EXOC4: variants seen among roughly 807,000 people sequenced by gnomAD.
EXOC4 encodes the protein SEC8-like 1.
EXOC4 carries 71 observed loss-of-function variants against 107.2 expected under a neutral mutation model. That is an observed-to-expected ratio of 0.66 (90% confidence interval 0.55 to 0.81). The LOEUF (loss-of-function observed/expected upper bound fraction) is 0.81. EXOC4 is among the 30% of genes least tolerant of loss of function. The probability of loss-of-function intolerance (pLI) is 0.00; values close to 1 mark genes in which losing one functional copy is unlikely to be tolerated. For synonymous variants in EXOC4, 456 were observed against 441.2 expected, an observed-to-expected ratio of 1.03 and a Z score of -0.42; for missense variants, 1,108 against 1,189.6, an observed-to-expected ratio of 0.93 and a Z score of 1.01.
intron 9 of EXOC4, among the ~76,000 whole-genome samples, chr7:133,544,932 C>T (rs1584989052): frequency 6.6e-6 from 1 of 150,474 alleles, no homozygotes. Context: ...GAGGATAACT[C>T]TTCACTTTTT....
At chr7:133,650,024 C>T (rs946353992) in intron 10 of EXOC4, among the ~76,000 whole-genome samples, 1 of 151,740 alleles carries the variant, frequency 6.6e-6, no homozygotes, top group Non-Finnish European at 1.5e-5. Context: ...GGTTTTTATC[C>T]TTTTATAAAT....
intron 10 of EXOC4, among the ~76,000 whole-genome samples, chr7:133,716,398 A>G (rs979207510): frequency 3.9e-5 from 6 of 152,330 alleles, no homozygotes; most frequent in Non-Finnish European, 7.3e-5. Context: ...ACAGATAAGG[A>G]TTTAGAAAAA....
chr7:133,782,385 TA>T (rs1313499869), intron 10 of EXOC4, among the ~76,000 whole-genome samples: 3 of 152,310 alleles, frequency 2.0e-5, no homozygotes, highest in East Asian at 1.9e-4. Flanking sequence ...CACACAAATG[TA>T]CCCATCCTTG....
intron 9 of EXOC4, chr7:133,480,892 A>C (rs1285410372): frequency 6.6e-6 from 1 of 151,760 alleles, no homozygotes; most frequent in Non-Finnish European, 1.5e-5. Flanking sequence ...TGTCTCTATA[A>C]AAAAATACAA....
intron 10 of EXOC4, among the ~76,000 whole-genome samples, chr7:133,799,557 G>A (rs886268696): frequency 2.0e-5 from 3 of 152,164 alleles, no homozygotes; most frequent in African/African-American, 7.2e-5. Context: ...AAAGGACAAG[G>A]ACAGAAATAA....
intron 7 of EXOC4, among the ~76,000 whole-genome samples, chr7:133,410,585 C>T (rs1033290830): frequency 2.0e-5 from 3 of 152,056 alleles, no homozygotes; most frequent in East Asian, 1.9e-4. Flanking sequence ...TTGGATTTTT[C>T]CCTTCAGGAT....
chr7:133,636,235 T>TC (rs1262933683), intron 10 of EXOC4, among the ~76,000 whole-genome samples: 3 of 5,860 alleles, frequency 5.1e-4, no homozygotes, highest in African/African-American at 5.8e-4. Context: ...CCTCATTTCT[T>TC]TCAGAAATTT....
At chr7:133,446,571 C>T (rs761638338) in intron 7 of EXOC4, among the ~76,000 whole-genome samples, 4 of 152,274 alleles carry the variant, frequency 2.6e-5, no homozygotes, top group South Asian at 2.1e-4. Flanking sequence ...CACTATTACC[C>T]GTCCTTGATG....
chr7:133,522,635 A>G (rs1800001175), intron 9 of EXOC4, among the ~76,000 whole-genome samples: 1 of 152,138 alleles, frequency 6.6e-6, no homozygotes, highest in South Asian at 2.1e-4. Context: ...CTGAATCATA[A>G]TTGTGTGTGC....
chr7:134,051,025 A>G (rs1050551463), intron 17 of EXOC4, among the ~76,000 whole-genome samples: 3 of 152,300 alleles, frequency 2.0e-5, no homozygotes, highest in Middle Eastern at 3.4e-3. Context: ...CCTGGTGACA[A>G]CTGGACCAAA....
the EXOC4 span, among the ~76,000 whole-genome samples, chr7:134,074,720 G>T: frequency 6.6e-6 from 1 of 152,200 alleles, no homozygotes; most frequent in South Asian, 2.1e-4. Flanking sequence ...CAAGTGGAGG[G>T]ATAGAGGCAA....
the EXOC4 span, among the ~76,000 whole-genome samples, chr7:134,076,069 G>T: frequency 6.6e-6 from 1 of 152,234 alleles, no homozygotes; most frequent in Non-Finnish European, 1.5e-5. Flanking sequence ...AGAGCAGAAA[G>T]AGCAAGGGAA....
intron 9 of EXOC4, among the ~76,000 whole-genome samples, chr7:133,578,263 T>C (rs1801176173): frequency 6.6e-6 from 1 of 152,158 alleles, no homozygotes; most frequent in Non-Finnish European, 1.5e-5. Context: ...TGAATGTACC[T>C]GACTATCCTT....
chr7:133,819,467 G>A (rs1339485637), intron 11 of EXOC4, among the ~76,000 whole-genome samples: 2 of 152,070 alleles, frequency 1.3e-5, no homozygotes, highest in Non-Finnish European at 2.9e-5. Context: ...CAGCAGGAAG[G>A]TGCTCAATGA....
At chr7:133,279,664 A>G (rs1251313587) in intron 2 of EXOC4, among the ~76,000 whole-genome samples, 1 of 152,098 alleles carries the variant, frequency 6.6e-6, no homozygotes, top group East Asian at 1.9e-4. Context: ...GACCATAGGT[A>G]CATTCCACCA....
At chr7:133,808,928 C>T (rs899453868) in intron 10 of EXOC4, among the ~76,000 whole-genome samples, 4 of 152,108 alleles carry the variant, frequency 2.6e-5, no homozygotes, top group African/African-American at 9.7e-5. Flanking sequence ...GCCCATATCT[C>T]TCCTGAAAAG....
intron 11 of EXOC4, among the ~76,000 whole-genome samples, chr7:133,884,166 C>A (rs1012497967): frequency 6.6e-6 from 1 of 152,124 alleles, no homozygotes; most frequent in Non-Finnish European, 1.5e-5. Flanking sequence ...AGGAAAGGCA[C>A]CAGGTTCAAG....
chr7:133,499,988 T>C (rs1799547364), intron 9 of EXOC4, among the ~76,000 whole-genome samples: 1 of 152,052 alleles, frequency 6.6e-6, no homozygotes, highest in Non-Finnish European at 1.5e-5. Context: ...TTCATTTCTA[T>C]TATAGCTAAG....
intron 9 of EXOC4, among the ~76,000 whole-genome samples, chr7:133,523,496 G>A (rs1030033811): frequency 7.3e-5 from 11 of 150,602 alleles, no homozygotes; most frequent in East Asian, 1.9e-4. Flanking sequence ...CATTGTGCAG[G>A]TTAGTTACAT....
Sources: gnomAD v4.1 joint callset for allele counts (sites outside exome capture counted in the v4.1 genomes callset) on GRCh38, gnomAD v4.1.1 for gene constraint, MANE v1.5 for transcripts, NCBI Gene and HGNC (gene_info 2026-07-23, HGNC 2026-07-21) for gene names.